The following POLR2F variants were observed in gnomAD, a reference collection of about 807,000 sequenced individuals.
POLR2F encodes the protein RNA polymerase II, I and III subunit F.
In POLR2F, 12 loss-of-function variants were observed where a neutral mutation model predicts 22.7. The observed-to-expected ratio is 0.53, with a 90% CI of 0.34 to 0.86. The LOEUF (loss-of-function observed/expected upper bound fraction) is 0.86. Among genes scored for constraint, POLR2F ranks in the 40% least tolerant of loss-of-function variants. The probability of loss-of-function intolerance (pLI) is 0.02; values close to 1 mark genes in which losing one functional copy is unlikely to be tolerated. For synonymous variants in POLR2F, 57 were observed against 66.0 expected (o/e 0.86, Z 0.66); for missense variants, 126 against 171.5 (o/e 0.73, Z 1.48).
intron 5 of POLR2F, among the ~76,000 whole-genome samples, chr22:38,038,103 G>A (rs538102600): frequency 1.3e-5 from 2 of 150,966 alleles, no homozygotes; most frequent in East Asian, 3.9e-4. Context: ...GTGTTGGGGG[G>A]TAGAAGGTGG....
chr22:37,997,156 C>T lies in POLR2F; in HGVS notation c.120+10844C>T, dbSNP rs1363196494. On this transcript the variant is annotated intron_variant, in intron 1 of 2. Transcript: ENST00000333418. This position sits in a 1 kb window ranked among gnomAD's most constrained non-coding sequence, Gnocchi z 4.4. ...CCTGCCAGGAACAAACACAGAGGGG[C>T]CTGGGAGGGCCCTGAGCTTCCCAGC... 6.6e-6 allele frequency among the ~76,000 whole-genome samples: 1 copy of T among 152,110 alleles called. No homozygotes were observed. The highest frequency in any genetic ancestry group is 1.5e-5 in the Non-Finnish European group (1 of 67,978).
chr22:38,020,029 A>T (rs947713715), intron 1 of POLR2F, among the ~76,000 whole-genome samples: 2 of 151,934 alleles, frequency 1.3e-5, no homozygotes, highest in Admixed American at 1.3e-4. Flanking sequence ...AAAAAGAAAA[A>T]ACAAAACAAA....
chr22:38,004,836 T>G (rs2084806124), intron 1 of POLR2F, among the ~76,000 whole-genome samples: 2 of 152,042 alleles, frequency 1.3e-5, no homozygotes, highest in African/African-American at 4.8e-5. Flanking sequence ...CCCAGCTACT[T>G]GGGAGGCTGA....
intron 4 of POLR2F, among the ~76,000 whole-genome samples, chr22:37,977,422 G>A (rs534455130): frequency 5.3e-5 from 8 of 151,172 alleles, no homozygotes; most frequent in Non-Finnish European, 1.0e-4. Flanking sequence ...CTGGGTTCAC[G>A]CCATCCTCCT....
At chr22:37,994,157 A>C (rs541038427) in intron 1 of POLR2F, among the ~76,000 whole-genome samples, 6 of 152,142 alleles carry the variant, frequency 3.9e-5, no homozygotes, top group African/African-American at 1.4e-4. Context: ...TTCCCTTTCT[A>C]GGGTGCAGAG....
upstream of POLR2F, chr22:37,985,978 C>G: frequency 9.6e-7 from 1 of 1,043,698 alleles, no homozygotes; most frequent in South Asian, 1.8e-5. Context: ...AATCTCCCCC[C>G]AGTTTTCCTC....
In POLR2F at chr22:37,986,565, T is replaced by C. The variant is rs1489225158; in HGVS notation, c.120+253T>C. The C allele has an allele frequency of 2.4e-6, 2 of 836,610 alleles. No individual in the cohort carries two copies. Among genetic ancestry groups the C allele is most frequent in the Non-Finnish European group, 3.9e-6 (2 of 509,764 alleles). The allele number at this position is 836,610 out of a possible 1,614,324, so 51.8% of individuals were successfully genotyped here. ...GGGGTGGGGGTAGCAGTGGGCACGC[T>C]CTGTCTGCAGGAAGCCACGCTAGAC... On this transcript the variant is annotated intron_variant, in intron 1 of 2. Transcript: ENST00000333418. This position sits in a 1 kb window ranked among gnomAD's most constrained non-coding sequence, Gnocchi z 4.7.
At chr22:37,961,372 CT>C (rs1931634893) in intron 3 of POLR2F, among the ~76,000 whole-genome samples, 1 of 152,094 alleles carries the variant, frequency 6.6e-6, no homozygotes, top group Non-Finnish European at 1.5e-5. Context: ...TAAGGTGGTT[CT>C]TGATGTGAGG....
chr22:38,039,722 A>T (rs1002340133), intron 5 of POLR2F, among the ~76,000 whole-genome samples: 1 of 152,346 alleles, frequency 6.6e-6, no homozygotes, highest in African/African-American at 2.4e-5. Flanking sequence ...CCAGCCGCGC[A>T]CAGACACCCA....
rs1337056878 is a variant in POLR2F, at chr22:38,017,973, C to T, written c.121-7896C>T. ...CACATAACAGAGGCTATAATGTGGG[C>T]CCTATAACGTGGCCATAAGGTGGAA... is the stretch of plus-strand genomic sequence containing the variant. On this transcript the variant is annotated intron_variant, in intron 1 of 2. Coordinates refer to the POLR2F transcript ENST00000333418. This position sits in a 1 kb window ranked among gnomAD's most constrained non-coding sequence, Gnocchi z 4.1. Among the ~76,000 whole-genome samples, 2 of 152,216 alleles carry T rather than the reference C, an allele frequency of 1.3e-5. No homozygotes were observed. The highest frequency in any genetic ancestry group is 1.3e-4 in the Admixed American group (2 of 15,288).
chr22:37,954,624 G>C (rs1183223598), intron 1 of POLR2F, among the ~76,000 whole-genome samples: 1 of 152,180 alleles, frequency 6.6e-6, no homozygotes, highest in African/African-American at 2.4e-5. Flanking sequence ...CTAGATGAGA[G>C]AAGTCAGTAG....
chr22:37,987,583 TCTG>T (rs1478752323), intron 1 of POLR2F: 8 of 339,394 alleles, frequency 2.4e-5, no homozygotes, highest in Middle Eastern at 1.0e-3. Context: ...GGTCAGGAAA[TCTG>T]CTGGCTGCAG....
downstream of POLR2F, chr22:38,041,656 C>G (rs1465581663): frequency 6.6e-6 from 1 of 152,656 alleles, no homozygotes; most frequent in Non-Finnish European, 1.5e-5. Flanking sequence ...AGGCAAGAGA[C>G]ATTAAGTCTG....
rs148656729 is a variant in POLR2F, at chr22:38,001,967, A to G, written c.120+15655A>G. Among the ~76,000 whole-genome samples the G allele has an allele frequency of 3.6e-3, 554 of 152,098 alleles. 3 individuals are homozygous for G. The highest frequency in any genetic ancestry group is 0.013 in the African/African-American group (526 of 41,454). On this transcript the variant is annotated intron_variant, in intron 1 of 2. Coordinates refer to the POLR2F transcript ENST00000333418. ...TTCCGCCTCCTGAGTAGCTGGGATTACAGGCACCTGCCACCATGCCTGTAT... is the reference window on the plus strand; with the variant it reads ...TTCCGCCTCCTGAGTAGCTGGGATTGCAGGCACCTGCCACCATGCCTGTAT...
rs111335754 is a variant in POLR2F, at chr22:37,977,050, C to T, written c.293+9880C>T. Among the ~76,000 whole-genome samples, 1,006 of 151,752 alleles carry T rather than the reference C, an allele frequency of 6.6e-3. 12 individuals are homozygous for T. Among genetic ancestry groups the T allele is most frequent in the African/African-American group, 0.023 (948 of 41,426 alleles). On this transcript the variant is annotated intron_variant, in intron 4 of 4. Coordinates refer to the POLR2F transcript ENST00000405557. Reference sequence around the variant, plus strand: ...AGACGTGGCGGTGTGCACCTGTAGTCCCAGCTACTTGGGAGGCTGAGACAG... The same window carrying T: ...AGACGTGGCGGTGTGCACCTGTAGTTCCAGCTACTTGGGAGGCTGAGACAG...
At chr22:38,005,483 T>C (rs575673820) in intron 1 of POLR2F, among the ~76,000 whole-genome samples, 3 of 152,326 alleles carry the variant, frequency 2.0e-5, no homozygotes, top group African/African-American at 7.2e-5. Flanking sequence ...TCAGGGGTGA[T>C]GGAACCCTAT....
At chr22:37,987,470 G>C (rs1253775793) in intron 1 of POLR2F, 8 of 335,276 alleles carry the variant, frequency 2.4e-5, no homozygotes, top group Non-Finnish European at 4.0e-5. Flanking sequence ...TTTATGGAAG[G>C]CTCCGCCTGT....
intron 3 of POLR2F, among the ~76,000 whole-genome samples, chr22:37,960,278 C>A (rs1234356084): frequency 6.6e-6 from 1 of 151,068 alleles, no homozygotes; most frequent in Non-Finnish European, 1.5e-5. Flanking sequence ...TGCTGGAGTG[C>A]ACTGGCCCAA....
downstream of POLR2F, among the ~76,000 whole-genome samples, chr22:37,971,567 A>T (rs2145757149): frequency 6.6e-6 from 1 of 152,222 alleles, no homozygotes; most frequent in African/African-American, 2.4e-5. Context: ...TAGGCGCTTA[A>T]GGAGTAGACT....
Sources: gnomAD v4.1 joint callset for allele counts (sites outside exome capture counted in the v4.1 genomes callset) on GRCh38, gnomAD v4.1.1 for gene constraint, Gnocchi (gnomAD v3.1) non-coding constraint, MANE v1.5 for transcripts, NCBI Gene and HGNC (gene_info 2026-07-23, HGNC 2026-07-21) for gene names.